PRKCE: variants seen among roughly 807,000 people sequenced by gnomAD.
PRKCE encodes the protein protein kinase C epsilon, also known as protein kinase C epsilon type.
In PRKCE, 16 loss-of-function variants were observed where a neutral mutation model predicts 85.4. The observed-to-expected ratio is 0.19, with a 90% confidence interval of 0.13 to 0.28. The LOEUF (loss-of-function observed/expected upper bound fraction) is 0.28. Among genes scored for constraint, PRKCE ranks in the 10% least tolerant of loss-of-function variants. The pLI is 1.00. For synonymous variants in PRKCE, 388 were observed against 371.5 expected (o/e 1.04, Z -0.51); for missense variants, 573 against 975.2 (o/e 0.59, Z 5.49).
chr2:46,077,502 G>C (rs1242798224), intron 10 of PRKCE, among the ~76,000 whole-genome samples: 1 of 152,156 alleles, frequency 6.6e-6, no homozygotes, highest in Non-Finnish European at 1.5e-5. Context: ...GGATGGAATT[G>C]GCCTTTGCTA....
intron 1 of PRKCE, among the ~76,000 whole-genome samples, chr2:45,747,995 C>A (rs1180761676): frequency 6.6e-6 from 1 of 152,092 alleles, no homozygotes; most frequent in Non-Finnish European, 1.5e-5. Flanking sequence ...TGTTCAAGTC[C>A]TTTGCCCATA....
At chr2:45,962,845 G>A (rs755389711) in intron 2 of PRKCE, among the ~76,000 whole-genome samples, 2 of 152,138 alleles carry the variant, frequency 1.3e-5, no homozygotes, top group South Asian at 2.1e-4. Context: ...GCATGAGTTC[G>A]ATTCTGGGAT....
chr2:46,055,044 C>G (rs758838451), intron 10 of PRKCE, among the ~76,000 whole-genome samples: 5 of 152,202 alleles, frequency 3.3e-5, no homozygotes, highest in Admixed American at 6.5e-5. Flanking sequence ...CATTTACCAT[C>G]TCTAATTCGT....
intron 2 of PRKCE, among the ~76,000 whole-genome samples, chr2:45,910,048 C>CG (rs1453486585): frequency 2.6e-5 from 4 of 151,934 alleles, no homozygotes; most frequent in East Asian, 1.9e-4. Flanking sequence ...TCACCGCCCC[C>CG]CCCCAGCCAA....
At chr2:45,937,430 T>C (rs1489360566) in intron 2 of PRKCE, among the ~76,000 whole-genome samples, 1 of 152,168 alleles carries the variant, frequency 6.6e-6, no homozygotes, top group Non-Finnish European at 1.5e-5. Flanking sequence ...CTCATAGGTA[T>C]GGCCACACGT....
chr2:45,704,933 C>A (rs566566014), intron 1 of PRKCE, among the ~76,000 whole-genome samples: 1 of 152,292 alleles, frequency 6.6e-6, no homozygotes, highest in East Asian at 1.9e-4. Context: ...TTAAGTAATT[C>A]TCAGCCCCTT....
chr2:45,870,718 G>C (rs1477976648), intron 2 of PRKCE, among the ~76,000 whole-genome samples: 1 of 152,156 alleles, frequency 6.6e-6, no homozygotes, highest in Non-Finnish European at 1.5e-5. Context: ...GTTTCTATCG[G>C]TTACCTTAAG....
At chr2:46,069,860 CG>C (rs2103716243) in intron 10 of PRKCE, among the ~76,000 whole-genome samples, 1 of 152,304 alleles carries the variant, frequency 6.6e-6, no homozygotes, top group South Asian at 2.1e-4. Context: ...GCAATTCTAG[CG>C]GTCACCTATT....
At position 46,114,028 on chromosome 2, in the gene PRKCE, G is replaced by A. The variant is rs182951373; in HGVS notation, c.1592+27666G>A. On this transcript the variant is annotated intron_variant, in intron 11 of 14. Coordinates refer to ENST00000306156, the MANE Select transcript of PRKCE (RefSeq NM_005400.3). The stretch of plus-strand genomic sequence containing the variant: ...TCTGACTCTGCAGTTTGGGTTTAAC[G>A]GGAAGGAAACACTGCCTCTCTCTTC... Among the ~76,000 whole-genome samples, 295 of 152,122 alleles carry A rather than the reference G, an allele frequency of 1.9e-3. 1 individual carries two copies. The highest frequency in any genetic ancestry group is 2.9e-3 in the Non-Finnish European group (198 of 67,996).
At chr2:46,014,854 G>A (rs1018298259) in intron 10 of PRKCE, among the ~76,000 whole-genome samples, 4 of 152,228 alleles carry the variant, frequency 2.6e-5, no homozygotes, top group African/African-American at 9.6e-5. Context: ...AGACATGGCT[G>A]CTGAAACCTA....
At chr2:45,771,704 T>TGTGC (rs1226302227) in intron 1 of PRKCE, among the ~76,000 whole-genome samples, 1 of 70,240 alleles carries the variant, frequency 1.4e-5, no homozygotes, top group African/African-American at 4.5e-5. Flanking sequence ...GAGTGGGGCG[T>TGTGC]GTGTGTGTGT....
chr2:45,923,224 A>C (rs1201853125), intron 2 of PRKCE, among the ~76,000 whole-genome samples: 1 of 152,210 alleles, frequency 6.6e-6, no homozygotes, highest in Non-Finnish European at 1.5e-5. Flanking sequence ...TCTTCTAGAA[A>C]ATACAGAAAT....
At chr2:46,076,833 T>C (rs979130003) in intron 10 of PRKCE, among the ~76,000 whole-genome samples, 5 of 152,080 alleles carry the variant, frequency 3.3e-5, no homozygotes, top group Non-Finnish European at 7.4e-5. Context: ...AGAAAGAAAT[T>C]TGGAACAATG....
chr2:45,746,317 C>A (rs1036493643), intron 1 of PRKCE, among the ~76,000 whole-genome samples: 2 of 152,228 alleles, frequency 1.3e-5, no homozygotes, highest in Non-Finnish European at 1.5e-5. Flanking sequence ...GCTTCTCACA[C>A]CTCAGATGTC....
intron 6 of PRKCE, among the ~76,000 whole-genome samples, chr2:45,995,663 G>A (rs994711318): frequency 1.3e-5 from 2 of 152,134 alleles, no homozygotes; most frequent in African/African-American, 4.8e-5. Flanking sequence ...ATTTGTGCGG[G>A]TCTGCTCTGG....
At chr2:46,157,655 A>G (rs1286357699) in intron 13 of PRKCE, among the ~76,000 whole-genome samples, 1 of 152,222 alleles carries the variant, frequency 6.6e-6, no homozygotes, top group Non-Finnish European at 1.5e-5. Flanking sequence ...TCATGAGAAG[A>G]GCATCTTCCA....
At chr2:45,952,759 C>T (rs1166208257) in intron 2 of PRKCE, among the ~76,000 whole-genome samples, 1 of 152,154 alleles carries the variant, frequency 6.6e-6, no homozygotes, top group African/African-American at 2.4e-5. Context: ...ATGCAGCTTT[C>T]CAGGAACACA....
chr2:46,163,564 A>G (rs866824247), intron 14 of PRKCE, among the ~76,000 whole-genome samples: 279 of 68,594 alleles, frequency 4.1e-3, no homozygotes, highest in Non-Finnish European at 5.5e-3. Context: ...TAAGAGACAC[A>G]GGGAAGCTGA....
At chr2:45,820,502 C>T (rs896786488) in intron 1 of PRKCE, among the ~76,000 whole-genome samples, 10 of 151,872 alleles carry the variant, frequency 6.6e-5, no homozygotes, top group Admixed American at 6.6e-4. Flanking sequence ...ATGGCTGAGG[C>T]ATAAGGGGGT....
Sources: gnomAD v4.1 joint callset for allele counts (sites outside exome capture counted in the v4.1 genomes callset) on GRCh38, gnomAD v4.1.1 for gene constraint, MANE v1.5 for transcripts, NCBI Gene and HGNC (gene_info 2026-07-23, HGNC 2026-07-21) for gene names.